MTERF4: variants seen among roughly 807,000 people sequenced by gnomAD.
MTERF4 encodes transcription termination factor 4, mitochondrial.
A neutral mutation model predicts 22.5 loss-of-function variants in MTERF4; 17 were observed. The observed-to-expected ratio is 0.75, with a 90% CI of 0.52 to 1.13. MTERF4 has a LOEUF of 1.13. MTERF4 is among the 50% of genes most tolerant of loss of function. The pLI, the probability that MTERF4 is intolerant of heterozygous loss-of-function variation, is 0.00. For missense variants in MTERF4, 420 were observed against 466.8 expected, an observed-to-expected ratio of 0.90 and a Z score of 0.92; for synonymous variants, 165 against 175.3, an observed-to-expected ratio of 0.94 and a Z score of 0.47.
At chr2:241,052,564 G>A in the MTERF4 span, 1 of 979,774 alleles carries the variant, frequency 1.0e-6, no homozygotes, top group Non-Finnish European at 1.6e-6. Flanking sequence ...GGATACCAGT[G>A]CCAGGCAGGT....
At chr2:241,058,133 C>T in the MTERF4 span, among the ~76,000 whole-genome samples, 2 of 152,010 alleles carry the variant, frequency 1.3e-5, no homozygotes, top group African/African-American at 2.4e-5. Flanking sequence ...TCAAAGCTGG[C>T]GTATTAGCTA....
chr2:241,069,145 T>C (rs893559969), downstream of MTERF4: 1 of 651,154 alleles, frequency 1.5e-6, no homozygotes, highest in Non-Finnish European at 2.6e-6. The surrounding 1 kb of genome is among the most constrained non-coding windows in gnomAD (Gnocchi z 4.9). Flanking sequence ...GCCCCTGGCC[T>C]CCCAGATGTC....
chr2:241,097,922 C>T (rs978098047), intron 2 of MTERF4, among the ~76,000 whole-genome samples: 1 of 152,148 alleles, frequency 6.6e-6, no homozygotes, highest in African/African-American at 2.4e-5. Context: ...ACAGTAATAA[C>T]AATAATAGTA....
chr2:241,054,046 G>A, the MTERF4 span, among the ~76,000 whole-genome samples: 407 of 152,254 alleles, frequency 2.7e-3, 4 homozygotes, highest in African/African-American at 9.0e-3. Flanking sequence ...CACATGCCCC[G>A]CAAAGCCAAG....
chr2:241,070,217 C>T (rs1270515078), downstream of MTERF4: 3 of 1,592,714 alleles, frequency 1.9e-6, no homozygotes, highest in South Asian at 2.2e-5. Context: ...TGCCGTGGGC[C>T]CTGCGCGTGG....
chr2:241,093,333 G>A (rs989245110), downstream of MTERF4: 1 of 152,664 alleles, frequency 6.6e-6, no homozygotes, highest in Non-Finnish European at 1.5e-5. Flanking sequence ...ACTAGCAGAT[G>A]CTAAGATCGA....
the MTERF4 span, among the ~76,000 whole-genome samples, chr2:241,050,221 T>C: frequency 6.6e-6 from 1 of 152,272 alleles, no homozygotes; most frequent in Non-Finnish European, 1.5e-5. Flanking sequence ...AATCATTATA[T>C]CAAATTTTAT....
At chr2:241,086,037 T>A (rs2063558427), downstream of MTERF4, among the ~76,000 whole-genome samples, 1 of 151,968 alleles carries the variant, frequency 6.6e-6, no homozygotes, top group Non-Finnish European at 1.5e-5. Context: ...CCAGCTAATT[T>A]TTGTATTTTA....
chr2:241,085,192 AT>A, downstream of MTERF4, among the ~76,000 whole-genome samples: 1 of 152,036 alleles, frequency 6.6e-6, no homozygotes, highest in East Asian at 1.9e-4. Flanking sequence ...ATTTCTTCAT[AT>A]ATTTTTCCTG....
rs1187272295 is a variant in MTERF4, at chr2:241,100,486, G to A, written c.22-592C>T. On this transcript the variant is annotated intron_variant, in intron 1 of 3. Coordinates refer to ENST00000391980, the MANE Select transcript of MTERF4 (RefSeq NM_182501.4). ...GGATTTTCTTTTTGTTTTTTGAGAC[G>A]GGGGTCTCACTCTGTTGCCCAGGCT... Among the ~76,000 whole-genome samples, 6 of 151,914 alleles carry A rather than the reference G, an allele frequency of 3.9e-5. No homozygotes were observed. The South Asian group carries it at 6.2e-4, about 16-fold the overall frequency.
chr2:241,051,759 G>A, the MTERF4 span: 1 of 1,528,756 alleles, frequency 6.5e-7, no homozygotes, highest in Non-Finnish European at 8.8e-7. The surrounding 1 kb of genome is among the most constrained non-coding windows in gnomAD (Gnocchi z 4.7). Context: ...CCACACCTGT[G>A]CAGCTCAGGG....
At chr2:241,069,162 G>T, downstream of MTERF4, 2 of 623,522 alleles carry the variant, frequency 3.2e-6, no homozygotes, top group Admixed American at 3.1e-5. The surrounding 1 kb of genome is among the most constrained non-coding windows in gnomAD (Gnocchi z 4.9). Flanking sequence ...TGTCTCTTCC[G>T]CTGGGGCCAC....
At chr2:241,061,010 A>G in the MTERF4 span, among the ~76,000 whole-genome samples, 3 of 152,194 alleles carry the variant, frequency 2.0e-5, no homozygotes, top group Admixed American at 2.0e-4. Context: ...GGGTAGTGAA[A>G]GACTCCTTAA....
chr2:241,090,358 T>A, downstream of MTERF4: 2 of 1,550,288 alleles, frequency 1.3e-6, no homozygotes, highest in Non-Finnish European at 1.7e-6. Context: ...CCACCTCCTG[T>A]GACAATGATG....
At chr2:241,072,198 G>A (rs1420640355) in exon 5 of MTERF4, 1 of 581,444 alleles carries the variant, frequency 1.7e-6, no homozygotes, top group Non-Finnish European at 3.3e-6. Context: ...ATTTGCCAAA[G>A]TAGGGCTCTG....
In MTERF4 at chr2:241,080,790, G is replaced by A. The variant is rs183041046; in HGVS notation, n.480-5108C>T. ...TTTGGAGCTTGCTGAGGACCAACTC[G>A]GTCTGCAGGCACACAAGCAAAGGAG... is the stretch of plus-strand genomic sequence containing the variant. On this transcript the variant is annotated intron_variant and non_coding_transcript_variant, in intron 4 of 4. Transcript: ENST00000464344. Among the ~76,000 whole-genome samples the A allele has an allele frequency of 1.2e-3, 187 of 152,346 alleles. 1 individual carries two copies. The highest frequency in any genetic ancestry group is 4.4e-3 in the African/African-American group (181 of 41,596).
At chr2:241,070,222 G>A (rs770786866), downstream of MTERF4, 51 of 1,584,870 alleles carry the variant, frequency 3.2e-5, no homozygotes, top group Non-Finnish European at 4.1e-5. Flanking sequence ...TGGGCCCTGC[G>A]CGTGGGCGGG....
intron 4 of MTERF4, among the ~76,000 whole-genome samples, chr2:241,076,863 G>A (rs1435393571): frequency 5.3e-5 from 8 of 152,268 alleles, no homozygotes; most frequent in South Asian, 2.1e-4. Flanking sequence ...AGGCCGAGGC[G>A]GGCGGATCAC....
In MTERF4 at chr2:241,099,313, G is replaced by A. The variant is rs1488029428; in HGVS notation, c.520+83C>T. 3 of 1,470,214 alleles carry A rather than the reference G, an allele frequency of 2.0e-6. No individual in the cohort carries two copies. In the East Asian group the frequency reaches 6.8e-5, roughly 33 times the overall value. 91.1% of individuals were successfully genotyped at this position (1,470,214 alleles called of 1,614,324 possible). On this transcript the variant is annotated intron_variant, in intron 2 of 3. Coordinates refer to ENST00000391980, the MANE Select transcript of MTERF4 (RefSeq NM_182501.4). ...TGATCTTGAACCCCTGACCTCAAGTGATCTGCCTGCCTCGGCCTCCCAAAG... is the reference window on the plus strand; with the variant it reads ...TGATCTTGAACCCCTGACCTCAAGTAATCTGCCTGCCTCGGCCTCCCAAAG...
Sources: allele counts gnomAD v4.1 joint callset (sites outside exome capture counted in the v4.1 genomes callset), GRCh38; gene constraint gnomAD v4.1.1; non-coding constraint Gnocchi (gnomAD v3.1); transcripts MANE v1.5; gene names NCBI Gene and HGNC (gene_info 2026-07-23, HGNC 2026-07-21).